The following GRIP1 variants were observed in gnomAD, a reference collection of about 807,000 sequenced individuals.
GRIP1 encodes glutamate receptor interacting protein 1.
GRIP1 carries 45 observed loss-of-function variants against 129.9 expected under a neutral mutation model. The observed-to-expected ratio is 0.35, with a 90% CI of 0.27 to 0.44. The LOEUF (loss-of-function observed/expected upper bound fraction) is 0.44. Among genes scored for constraint, GRIP1 ranks in the 20% least tolerant of loss-of-function variants. The pLI is 1.00. For synonymous variants in GRIP1, 530 were observed against 520.8 expected, an observed-to-expected ratio of 1.02 and a Z score of -0.24; for missense variants, 1,196 against 1,396.8, an observed-to-expected ratio of 0.86 and a Z score of 2.29.
At chr12:66,370,868 A>G (rs1202059393) in intron 23 of GRIP1, among the ~76,000 whole-genome samples, 1 of 152,162 alleles carries the variant, frequency 6.6e-6, no homozygotes, top group Non-Finnish European at 1.5e-5. Flanking sequence ...AACTATGACA[A>G]TTAGAGACAG....
rs142160203 is a variant in GRIP1 at position 66,911,020 on chromosome 12, G to A, written c.58+158030C>T. ...TAAACATTTATTGAGCATCTACTAC[G>A]TGCCAAGCATTGTGCTAATGGATGG... On this transcript the variant is annotated intron_variant, in intron 1 of 1. Coordinates refer to the GRIP1 transcript ENST00000643019. Among the ~76,000 whole-genome samples the A allele has an allele frequency of 1.1e-3, 163 of 152,284 alleles. 1 individual carries two copies. Among genetic ancestry groups the A allele is most frequent in the African/African-American group, 3.7e-3 (155 of 41,558 alleles).
chr12:66,570,408 G>C (rs1038309126), intron 2 of GRIP1, among the ~76,000 whole-genome samples: 2 of 152,142 alleles, frequency 1.3e-5, no homozygotes, highest in African/African-American at 4.8e-5. Context: ...ACCACACCGG[G>C]CCTCAACTGA....
At chr12:66,638,850 G>C (rs1042239375) in intron 1 of GRIP1, among the ~76,000 whole-genome samples, 4 of 152,122 alleles carry the variant, frequency 2.6e-5, no homozygotes, top group African/African-American at 7.2e-5. Flanking sequence ...AGCCAGAGTT[G>C]TGAGGTGACA....
chr12:66,733,855 T>C (rs1478042664), intron 1 of GRIP1, among the ~76,000 whole-genome samples: 2 of 152,188 alleles, frequency 1.3e-5, no homozygotes, highest in Non-Finnish European at 2.9e-5. Flanking sequence ...ACATGACAGT[T>C]TTATTTCAAG....
chr12:66,532,835 C>A (rs763913697), intron 4 of GRIP1, among the ~76,000 whole-genome samples: 1 of 152,092 alleles, frequency 6.6e-6, no homozygotes, highest in Non-Finnish European at 1.5e-5. Context: ...AGTCAGAAGG[C>A]TGTCAAAGGG....
chr12:67,028,329 T>C (rs1384175933), intron 1 of GRIP1, among the ~76,000 whole-genome samples: 1 of 152,230 alleles, frequency 6.6e-6, no homozygotes, highest in Non-Finnish European at 1.5e-5. Context: ...AAATACTGCT[T>C]TTTAAAAACT....
chr12:67,061,662 G>C (rs2043537745), intron 1 of GRIP1, among the ~76,000 whole-genome samples: 1 of 152,086 alleles, frequency 6.6e-6, no homozygotes, highest in South Asian at 2.1e-4. Context: ...TTCTAAATTA[G>C]TTTTAGGAGA....
At chr12:66,448,528 T>C (rs571012283) in intron 11 of GRIP1, among the ~76,000 whole-genome samples, 1 of 152,266 alleles carries the variant, frequency 6.6e-6, no homozygotes, top group Admixed American at 6.5e-5. Flanking sequence ...ACTTTCCGGA[T>C]ATGATGAGGC....
At chr12:66,794,863 T>C (rs1189197424) in intron 1 of GRIP1, among the ~76,000 whole-genome samples, 1 of 152,168 alleles carries the variant, frequency 6.6e-6, no homozygotes, top group African/African-American at 2.4e-5. Context: ...TCATGAAAAC[T>C]TGGCATTGGT....
intron 2 of GRIP1, among the ~76,000 whole-genome samples, chr12:66,550,910 G>A (rs1353074624): frequency 6.6e-6 from 1 of 152,192 alleles, no homozygotes; most frequent in Admixed American, 6.5e-5. Context: ...AAAGCACTGG[G>A]CAGGATATCT....
intron 1 of GRIP1, among the ~76,000 whole-genome samples, chr12:66,727,331 A>G (rs2036287696): frequency 1.3e-5 from 2 of 152,306 alleles, no homozygotes; most frequent in South Asian, 4.1e-4. Context: ...TGGCCAGTGG[A>G]TTCTGGCATA....
At position 66,596,936 on chromosome 12, in the gene GRIP1, G is replaced by C; in HGVS notation, c.56-9C>G. 2 of 1,586,716 alleles carry C rather than the reference G, an allele frequency of 1.3e-6. No homozygotes were observed. The highest frequency in any genetic ancestry group is 1.7e-6 in the Non-Finnish European group (2 of 1,155,030). On this transcript the variant is annotated splice_polypyrimidine_tract_variant and intron_variant, in intron 1 of 24. Coordinates refer to ENST00000359742, the MANE Select transcript of GRIP1 (RefSeq NM_001366722.1). ...AGTGTAGGGACTCTCATCTGCAAAG[G>C]TACAATGAAGCGTTTGGTTAATTTC...
At chr12:66,774,408 GAATT>G (rs1252350183) in intron 1 of GRIP1, among the ~76,000 whole-genome samples, 1 of 152,150 alleles carries the variant, frequency 6.6e-6, no homozygotes, top group Non-Finnish European at 1.5e-5. Context: ...TGACACAACT[GAATT>G]AATGTGTTAA....
chr12:67,018,281 G>T (rs1339864416), intron 1 of GRIP1, among the ~76,000 whole-genome samples: 6 of 152,124 alleles, frequency 3.9e-5, no homozygotes, highest in Non-Finnish European at 8.8e-5. Flanking sequence ...AGCCTTTCTT[G>T]TGAGCTCCCA....
At chr12:66,449,747 T>G (rs1003827116) in intron 11 of GRIP1, among the ~76,000 whole-genome samples, 5 of 152,216 alleles carry the variant, frequency 3.3e-5, no homozygotes, top group Non-Finnish European at 5.9e-5. Flanking sequence ...GGAGAGTATG[T>G]TGCATTCCAG....
chr12:66,469,712 A>G (rs2059384800), intron 7 of GRIP1, among the ~76,000 whole-genome samples: 1 of 152,212 alleles, frequency 6.6e-6, no homozygotes, highest in Non-Finnish European at 1.5e-5. Context: ...AACAGTCTAC[A>G]GAACATGAGC....
chr12:66,468,282 C>T (rs1565772140), intron 7 of GRIP1, among the ~76,000 whole-genome samples: 1 of 152,196 alleles, frequency 6.6e-6, no homozygotes, highest in Non-Finnish European at 1.5e-5. Context: ...CCATCTTCAA[C>T]CATGCAGACC....
At chr12:66,538,292 T>C (rs1275260049) in intron 4 of GRIP1, among the ~76,000 whole-genome samples, 1 of 151,980 alleles carries the variant, frequency 6.6e-6, no homozygotes, top group Non-Finnish European at 1.5e-5. Context: ...CTCGACCTTC[T>C]GGGCTCAAGG....
intron 1 of GRIP1, among the ~76,000 whole-genome samples, chr12:66,983,143 C>T (rs2042263228): frequency 6.6e-6 from 1 of 152,098 alleles, no homozygotes; most frequent in Admixed American, 6.6e-5. Context: ...TACGGCAGTG[C>T]CACCGCAACA....
Sources: allele counts gnomAD v4.1 joint callset (sites outside exome capture counted in the v4.1 genomes callset), GRCh38; gene constraint gnomAD v4.1.1; transcripts MANE v1.5; gene names NCBI Gene and HGNC (gene_info 2026-07-23, HGNC 2026-07-21).